CUL1: variants seen among roughly 807,000 people sequenced by gnomAD.
CUL1 encodes cullin 1, also known as cullin-1.
In CUL1, 24 loss-of-function variants were observed where a neutral mutation model predicts 118.0. The observed-to-expected ratio is 0.20, with a 90% CI of 0.15 to 0.29. The LOEUF is 0.29. Among genes scored for constraint, CUL1 ranks in the 10% least tolerant of loss-of-function variants. The probability of loss-of-function intolerance (pLI) is 1.00; values close to 1 mark genes in which losing one functional copy is unlikely to be tolerated. For synonymous variants in CUL1, 332 were observed against 340.4 expected (o/e 0.98, Z 0.27); for missense variants, 361 against 933.8 (o/e 0.39, Z 7.99).
At chr7:148,743,420 T>C (rs1360184842) in intron 2 of CUL1, among the ~76,000 whole-genome samples, 1 of 152,218 alleles carries the variant, frequency 6.6e-6, no homozygotes, top group Admixed American at 6.5e-5. Context: ...GGCTTTTCTT[T>C]TTTTCTTTTC....
intron 9 of CUL1, 42 bp from the exon 10 acceptor site, chr7:148,783,741 C>T (rs1370867622): frequency 1.9e-6 from 3 of 1,603,572 alleles, no homozygotes; most frequent in Admixed American, 1.7e-5. Flanking sequence ...CAATTTAATC[C>T]CCAATAACCA....
At chr7:148,783,116 C>G (rs1800697782) in intron 9 of CUL1, among the ~76,000 whole-genome samples, 1 of 152,238 alleles carries the variant, frequency 6.6e-6, no homozygotes, top group Non-Finnish European at 1.5e-5. Flanking sequence ...CACTTAGCTC[C>G]GTCTCCTTTG....
chr7:148,751,570 TG>T, intron 2 of CUL1, among the ~76,000 whole-genome samples: 1 of 151,466 alleles, frequency 6.6e-6, no homozygotes, highest in Middle Eastern at 3.2e-3. Context: ...CTTGTCACTT[TG>T]TCACTTAGTA....
chr7:148,751,664 A>G (rs1158257707), intron 2 of CUL1, among the ~76,000 whole-genome samples: 1 of 152,142 alleles, frequency 6.6e-6, no homozygotes, highest in Non-Finnish European at 1.5e-5. Flanking sequence ...AAAAATAGGT[A>G]TCTGCCAAAA....
intron 2 of CUL1, among the ~76,000 whole-genome samples, chr7:148,741,242 T>C (rs544104399): frequency 6.6e-6 from 1 of 152,350 alleles, no homozygotes; most frequent in South Asian, 2.1e-4. Context: ...TGTAGACATA[T>C]GTTTTCATTT....
At position 148,724,436 on chromosome 7, in the gene CUL1, C is replaced by T. The variant is rs149610010; in HGVS notation, c.-161-5526C>T. ...ATGAAAGTGAAGTATAACTGTGGCGCGTGTGTGTGTCTGCACGCGTGTGTG... is the reference window on the plus strand; with the variant it reads ...ATGAAAGTGAAGTATAACTGTGGCGTGTGTGTGTGTCTGCACGCGTGTGTG... On this transcript the variant is annotated intron_variant, in intron 1 of 21. Coordinates refer to ENST00000325222, the MANE Select transcript of CUL1 (RefSeq NM_003592.3). Among the ~76,000 whole-genome samples the T allele has an allele frequency of 7.9e-5, 12 of 152,192 alleles. No individual in the cohort carries two copies. The East Asian group carries it at 1.5e-3, about 20-fold the overall frequency.
rs139739841 is a variant in CUL1, at chr7:148,715,398, C to T, written c.-161-14564C>T. ...TTCTTGAAGGCCGTGGCTCCTGGCA[C>T]TTACCACAGTCAGTGACTTTTCATA... is the stretch of plus-strand genomic sequence containing the variant. On this transcript the variant is annotated intron_variant, in intron 1 of 21. Transcript: ENST00000325222. Among the ~76,000 whole-genome samples the T allele has an allele frequency of 2.9e-3, 449 of 152,342 alleles. 2 individuals are homozygous for T. Among genetic ancestry groups the T allele is most frequent in the Middle Eastern group, 6.8e-3 (2 of 294 alleles).
intron 9 of CUL1, among the ~76,000 whole-genome samples, chr7:148,768,228 T>TAGGTCATCTGTAATTC (rs113477809): frequency 2.0e-5 from 3 of 152,162 alleles, no homozygotes; most frequent in African/African-American, 7.2e-5. Context: ...ATATTCCTGC[T>TAGGTCATCTGTAATTC]AGGTCATCTG....
intron 1 of CUL1, among the ~76,000 whole-genome samples, chr7:148,722,284 G>A (rs952206696): frequency 2.6e-4 from 39 of 152,204 alleles, no homozygotes; most frequent in African/African-American, 7.5e-4. Flanking sequence ...CTGCACTAAC[G>A]AATGCCCTCA....
intron 2 of CUL1, among the ~76,000 whole-genome samples, chr7:148,751,181 CAGG>C (rs1362869968): frequency 6.6e-6 from 1 of 152,086 alleles, no homozygotes; most frequent in African/African-American, 2.4e-5. Flanking sequence ...GGAGGCCAAA[CAGG>C]AGGATTGCTT....
intron 9 of CUL1, among the ~76,000 whole-genome samples, chr7:148,775,254 A>C (rs569767566): frequency 4.6e-5 from 7 of 152,218 alleles, no homozygotes; most frequent in Admixed American, 2.0e-4. Flanking sequence ...CTGGATGGTA[A>C]GAAAAGAACA....
At chr7:148,769,742 CATG>C (rs1800146458) in intron 9 of CUL1, among the ~76,000 whole-genome samples, 1 of 152,108 alleles carries the variant, frequency 6.6e-6, no homozygotes, top group South Asian at 2.1e-4. Flanking sequence ...TTAAAATAAA[CATG>C]ATAGCTGGGT....
intron 9 of CUL1, among the ~76,000 whole-genome samples, chr7:148,770,981 A>G (rs1228605897): frequency 2.0e-5 from 3 of 152,242 alleles, no homozygotes; most frequent in African/African-American, 7.2e-5. Flanking sequence ...TGAGAACACA[A>G]TTTTTAAAGT....
intron 6 of CUL1, 136 bp downstream of exon 6, chr7:148,759,774 T>G (rs1799779128): frequency 2.0e-6 from 1 of 495,310 alleles, no homozygotes; most frequent in Non-Finnish European, 3.5e-6. Flanking sequence ...TACTTACATT[T>G]CTTTTTAAGT....
rs1025636837 is a variant in CUL1 at position 148,787,599 on chromosome 7, C to T, written c.1479+479C>T. On this transcript the variant is annotated intron_variant, in intron 13 of 21. Transcript: ENST00000325222. This position sits in a 1 kb window ranked among gnomAD's most constrained non-coding sequence, Gnocchi z 5.5. The stretch of plus-strand genomic sequence containing the variant: ...CTATCACTCTACTCTCGTTGGGCCC[C>T]GGTGCCTTCCCAACCCCTTCCCCAC... Among the ~76,000 whole-genome samples, 1 of 152,170 alleles carries T rather than the reference C, an allele frequency of 6.6e-6. No homozygotes were observed. The highest frequency in any genetic ancestry group is 1.9e-4 in the East Asian group (1 of 5,200).
intron 1 of CUL1, among the ~76,000 whole-genome samples, chr7:148,729,485 A>G (rs1358485901): frequency 1.3e-5 from 2 of 152,112 alleles, no homozygotes; most frequent in East Asian, 3.9e-4. Flanking sequence ...ATTTCCTTTT[A>G]TTTTCAGCCT....
chr7:148,736,491 T>C (rs1158620514), intron 2 of CUL1, among the ~76,000 whole-genome samples: 1 of 152,052 alleles, frequency 6.6e-6, no homozygotes, highest in Non-Finnish European at 1.5e-5. Context: ...TTTGCAGACA[T>C]GGAGTCTTGC....
chr7:148,769,060 C>T (rs892414264), intron 9 of CUL1, among the ~76,000 whole-genome samples: 3 of 151,964 alleles, frequency 2.0e-5, no homozygotes, highest in African/African-American at 7.2e-5. Flanking sequence ...GTGTCTTTAC[C>T]GTGTGGTGAT....
chr7:148,777,999 G>A (rs367787993), intron 9 of CUL1, among the ~76,000 whole-genome samples: 8 of 144,844 alleles, frequency 5.5e-5, no homozygotes, highest in African/African-American at 2.1e-4. Context: ...GGAGGCAGAG[G>A]TTGCAGTGAG....
Sources: allele counts gnomAD v4.1 joint callset (sites outside exome capture counted in the v4.1 genomes callset), GRCh38; gene constraint gnomAD v4.1.1; non-coding constraint Gnocchi (gnomAD v3.1); transcripts MANE v1.5; gene names NCBI Gene and HGNC (gene_info 2026-07-23, HGNC 2026-07-21).